The following FANCD2 variants were observed in gnomAD, a reference collection of about 807,000 sequenced individuals.
FANCD2 encodes Fanconi anemia group D2 protein.
A neutral mutation model predicts 192.3 loss-of-function variants in FANCD2; 131 were observed. The ratio of observed to expected loss-of-function variants is 0.68; its 90% CI spans 0.59 to 0.79. FANCD2 has a LOEUF of 0.79. FANCD2 is among the 30% of genes least tolerant of loss of function. FANCD2 has a pLI of 0.00. For synonymous variants in FANCD2, 524 were observed against 612.5 expected, an observed-to-expected ratio of 0.86 and a Z score of 2.13; for missense variants, 1,508 against 1,701.6, an observed-to-expected ratio of 0.89 and a Z score of 2.00.
At position 10,064,595 on chromosome 3, in the gene FANCD2, C is replaced by T; in HGVS notation, c.2022-134C>T. The T allele has an allele frequency of 3.1e-6, 4 of 1,307,140 alleles. No individual in the cohort carries two copies. The South Asian group carries it at 4.8e-5, about 16-fold the overall frequency. 81.0% of individuals were successfully genotyped at this position (1,307,140 alleles called of 1,614,324 possible). ...CCCCTGCACCCTTAGCTCCAAAATT[C>T]CTAAAAGGTTCACTGTTTGTTCTTC... On this transcript the variant is annotated intron_variant, in intron 22 of 43. Coordinates refer to ENST00000675286, the MANE Select transcript of FANCD2 (RefSeq NM_001018115.3).
chr3:10,050,468 C>CA (rs1273569454), intron 17 of FANCD2, among the ~76,000 whole-genome samples: 7 of 151,552 alleles, frequency 4.6e-5, no homozygotes, highest in East Asian at 1.9e-4. Context: ...ACTAAAAATA[C>CA]AAAAATTAGC....
At chr3:10,100,198 T>A (rs1225627084) in intron 43 of FANCD2, among the ~76,000 whole-genome samples, 1 of 152,196 alleles carries the variant, frequency 6.6e-6, no homozygotes, top group Non-Finnish European at 1.5e-5. Flanking sequence ...AAAGTTATTT[T>A]ATTTACATGG....
At position 10,074,640 on chromosome 3, in the gene FANCD2, GAAGTTCATCTTAGATACTGAAATGCACA is replaced by G; in HGVS notation, c.2827_2854del (p.Lys943LeufsTer29). 6.2e-7 allele frequency: 1 copy of G among 1,613,768 alleles called. No homozygotes were observed. The highest frequency in any genetic ancestry group is 1.1e-5 in the South Asian group (1 of 91,072). On this transcript the variant is annotated frameshift_variant, in exon 29 of 44. Coordinates refer to ENST00000675286, the MANE Select transcript of FANCD2 (RefSeq NM_001018115.3). LOFTEE classifies it high-confidence loss of function. ...CTATTCTACATTGTGGACTTGTGAC[GAAGTTCATCTTAGATACTGAAATGCACA>G]CTGAAGTAAGTGACAGGCTAGGATC...
intron 25 of FANCD2, among the ~76,000 whole-genome samples, chr3:10,066,681 C>G (rs1167682440): frequency 6.6e-6 from 1 of 152,162 alleles, no homozygotes; most frequent in African/African-American, 2.4e-5. Context: ...CACCTTGTAA[C>G]ATAACTAGTA....
intron 26 of FANCD2, among the ~76,000 whole-genome samples, chr3:10,070,575 C>T (rs1368004160): frequency 6.9e-6 from 1 of 145,702 alleles, no homozygotes; most frequent in Non-Finnish European, 1.5e-5. Flanking sequence ...CCGGCCGCCC[C>T]TACTGGGAAG....
intron 33 of FANCD2, among the ~76,000 whole-genome samples, chr3:10,086,566 C>T (rs764195579): frequency 6.6e-5 from 10 of 152,102 alleles, no homozygotes; most frequent in Non-Finnish European, 1.2e-4. Context: ...ACTGCACCCT[C>T]CACCTCCTGG....
intron 2 of FANCD2, among the ~76,000 whole-genome samples, chr3:10,032,106 A>G (rs1207745517): frequency 6.6e-6 from 1 of 152,038 alleles, no homozygotes; most frequent in Non-Finnish European, 1.5e-5. Flanking sequence ...CGGCCTCCCA[A>G]AGTGCTGGGA....
At position 10,081,137 on chromosome 3, in the gene FANCD2, A is replaced by G. The variant is rs964376104; in HGVS notation, c.3014A>G (p.Gln1005Arg). The G allele has an allele frequency of 2.5e-6, 4 of 1,614,006 alleles. No individual in the cohort carries two copies. The highest frequency in any genetic ancestry group is 1.1e-5 in the South Asian group (1 of 91,092). ...CGGAATATTGGATTCTCACATCTCC[A>G]ACAGAGATCTGCCCAAGAAATTGTT... Reference protein sequence around the residue: ...GSRNIGFSHLQQRSAQEIVHC... With the variant: ...GSRNIGFSHLRQRSAQEIVHC... The change falls in exon 31 of 44, where the codon CAA (glutamine) becomes CGA (arginine). Residue 1005 changes from glutamine to arginine, a missense_variant. Gln to Arg is a conservative substitution (Grantham distance 43). Coordinates refer to ENST00000675286, the MANE Select transcript of FANCD2 (RefSeq NM_001018115.3).
chr3:10,084,905 G>A (rs965397643), intron 32 of FANCD2, among the ~76,000 whole-genome samples: 8 of 152,298 alleles, frequency 5.3e-5, no homozygotes, highest in Admixed American at 5.2e-4. Flanking sequence ...TGGCAGCAGA[G>A]TGCAGGACAG....
intron 23 of FANCD2, 38 bp downstream of exon 23, chr3:10,064,913 T>C: frequency 6.2e-7 from 1 of 1,611,468 alleles, no homozygotes; most frequent in African/African-American, 1.3e-5. Flanking sequence ...TGTTAGTGTT[T>C]TGAATGTTCA....
rs892872432 is a variant in FANCD2 at position 10,040,920 on chromosome 3, G to A, written c.696-703G>A. On this transcript the variant is annotated intron_variant, in intron 9 of 43. Coordinates refer to ENST00000675286, the MANE Select transcript of FANCD2 (RefSeq NM_001018115.3). ...TAGCATCTGTCACCGTCTGTTGGGC[G>A]CAGTGGCTCATGCCTTTAATCCCAG... 1.1e-4 allele frequency: 19 copies of A among 177,824 alleles called. 1 individual carries two copies. Among genetic ancestry groups the A allele is most frequent in the Admixed American group, 5.4e-4 (9 of 16,532 alleles). The allele number at this position is 177,824 out of a possible 1,614,324, so 11.0% of individuals were successfully genotyped here.
At chr3:10,071,095 C>T (rs188916674) in intron 26 of FANCD2, among the ~76,000 whole-genome samples, 6 of 147,762 alleles carry the variant, frequency 4.1e-5, no homozygotes, top group Admixed American at 6.8e-5. Context: ...GCCAAATCCC[C>T]CTCTGCGAGA....
intron 26 of FANCD2, among the ~76,000 whole-genome samples, chr3:10,072,221 A>G (rs924619488): frequency 1.3e-5 from 2 of 152,102 alleles, no homozygotes; most frequent in Middle Eastern, 3.2e-3. Flanking sequence ...TGATTATTAT[A>G]CATTGTGTAC....
At chr3:10,041,318 G>C (rs2086858849) in intron 9 of FANCD2, 1 of 319,672 alleles carries the variant, frequency 3.1e-6, no homozygotes, top group Non-Finnish European at 5.9e-6. Context: ...TAAATGTTTT[G>C]GGTTTTCTTT....
At chr3:10,054,465 A>G (rs1222966068) in intron 18 of FANCD2, among the ~76,000 whole-genome samples, 1 of 23,514 alleles carries the variant, frequency 4.3e-5, no homozygotes, top group Non-Finnish European at 7.6e-5. Context: ...ATATATATAT[A>G]TATATATATT....
At chr3:10,031,590 T>G (rs1254599217) in intron 2 of FANCD2, among the ~76,000 whole-genome samples, 1 of 152,132 alleles carries the variant, frequency 6.6e-6, no homozygotes, top group Non-Finnish European at 1.5e-5. Flanking sequence ...ATTTTAAACT[T>G]GGCTTCAAGT....
At chr3:10,039,454 CT>C in intron 8 of FANCD2, 97 bp downstream of exon 8, 1 of 1,098,022 alleles carries the variant, frequency 9.1e-7, no homozygotes, top group Non-Finnish European at 1.3e-6. Context: ...AAAATTCATA[CT>C]TTTCCATCCA....
Position 10,028,715 on chromosome 3 carries a change from G to A in FANCD2, c.58G>A (p.Ala20Thr), listed in dbSNP as rs1338392055. The A allele has an allele frequency of 8.7e-6, 14 of 1,613,278 alleles. No individual in the cohort carries two copies. Among genetic ancestry groups the A allele is most frequent in the Non-Finnish European group, 1.0e-5 (12 of 1,179,336 alleles). The part of the protein sequence containing the change: ...SEDKESLTED[A>T]SKTRKQPLSK... ...GGATAAAGAGAGCCTGACAGAAGATGCCTCCAGTAAGTATCTAGTCATTTG... is the reference window on the plus strand; with the variant it reads ...GGATAAAGAGAGCCTGACAGAAGATACCTCCAGTAAGTATCTAGTCATTTG... Residue 20 changes from alanine to threonine, a missense_variant, in exon 2 of 44, where the codon GCC (alanine) becomes ACC (threonine). Physicochemically the swap from Ala to Thr is moderately conservative, Grantham distance 58. Around this residue, in one of 5 missense-constraint regions of FANCD2, gnomAD observed 435 missense variants for 421.9 expected, o/e 1.03. Coordinates refer to ENST00000675286, the MANE Select transcript of FANCD2 (RefSeq NM_001018115.3).
intron 20 of FANCD2, among the ~76,000 whole-genome samples, chr3:10,063,430 C>G (rs1051863880): frequency 1.3e-5 from 2 of 152,114 alleles, no homozygotes; most frequent in African/African-American, 4.8e-5. Context: ...GAGCAAGGCT[C>G]CATCTCAAAA....
Sources: allele counts gnomAD v4.1 joint callset (sites outside exome capture counted in the v4.1 genomes callset), GRCh38; gene constraint gnomAD v4.1.1; regional missense constraint gnomAD v4.1.1; transcripts MANE v1.5; gene names NCBI Gene and HGNC (gene_info 2026-07-23, HGNC 2026-07-21).